Variants in DST observed in about 807,000 individuals in gnomAD.
The protein encoded by DST is bullous pemphigoid antigen.
Under a neutral mutation model 875.2 loss-of-function variants are expected in DST, and 253 were observed. The ratio of observed to expected loss-of-function variants is 0.29; its 90% CI spans 0.26 to 0.32. DST has a LOEUF of 0.32. Among genes scored for constraint, DST ranks in the 10% least tolerant of loss-of-function variants. The probability of loss-of-function intolerance (pLI) is 1.00; values close to 1 mark genes in which losing one functional copy is unlikely to be tolerated. For synonymous variants in DST, 3,124 were observed against 3,197.1 expected, an observed-to-expected ratio of 0.98 and a Z score of 0.77; for missense variants, 8,287 against 9,111.6, an observed-to-expected ratio of 0.91 and a Z score of 3.68.
At position 56,460,179 on chromosome 6, in the gene DST, T is replaced by A; in HGVS notation, c.23146A>T (p.Ser7716Cys). ...SGKGFHSGED[S>C]GLITTAAARV... ...GCAGCTGCAGTTGTTATCAAGCCAC[T>A]GTCCTCCCCAGAGTGGAAGCCTTTC... Residue 7716 changes from serine to cysteine, a missense_variant, in exon 103 of 104, where the codon AGT becomes TGT. Physicochemically the swap from Ser to Cys is moderately radical, Grantham distance 112 (BLOSUM62 -1). Coordinates refer to ENST00000680361, the MANE Select transcript of DST (RefSeq NM_001374736.1). 6.2e-7 allele frequency: 1 copy of A among 1,613,954 alleles called. No homozygotes were observed. Among genetic ancestry groups the A allele is most frequent in the Non-Finnish European group, 8.5e-7 (1 of 1,179,830 alleles).
Position 56,869,990 on chromosome 6 carries a change from A to AT in DST, c.418-18387dup, listed in dbSNP as rs796205326. 3.8e-4 allele frequency among the ~76,000 whole-genome samples: 56 copies of AT among 147,992 alleles called. 1 individual carries two copies. The highest frequency in any genetic ancestry group is 1.2e-3 in the East Asian group (6 of 5,092). ...CATGAGCCACCCGCACCCAGCTGAG[A>AT]TTTTTTTTTTTAGATTTCCCTGGCA... On this transcript the variant is annotated intron_variant, in intron 3 of 103. Transcript: ENST00000680361.
intron 61 of DST, among the ~76,000 whole-genome samples, chr6:56,546,377 T>TATATATAA (rs1182836643): frequency 7.4e-6 from 1 of 134,472 alleles, no homozygotes; most frequent in East Asian, 2.3e-4. Flanking sequence ...TATATATATA[T>TATATATAA]ATATATATAT....
chr6:56,775,783 TATA>T (rs1401368876), intron 4 of DST, among the ~76,000 whole-genome samples: 1 of 152,234 alleles, frequency 6.6e-6, no homozygotes, highest in Admixed American at 6.5e-5. Context: ...AACATTGGAT[TATA>T]ATCCAAAGTA....
At position 56,642,725 on chromosome 6, in the gene DST, G is replaced by A. The variant is rs779625484; in HGVS notation, c.1779-222C>T. On this transcript the variant is annotated intron_variant, in intron 15 of 103. Coordinates refer to ENST00000680361, the MANE Select transcript of DST (RefSeq NM_001374736.1). Reference sequence around the variant, plus strand: ...TTTTCATTTGAATCAAGACTGGTTCGAGTGCTGGTAGTGTTACTAAACACA... The same window carrying A: ...TTTTCATTTGAATCAAGACTGGTTCAAGTGCTGGTAGTGTTACTAAACACA... The A allele has an allele frequency of 8.1e-6, 13 of 1,614,070 alleles. No homozygotes were observed. The highest frequency in any genetic ancestry group is 6.7e-5 in the East Asian group (3 of 44,882).
chr6:56,774,887 G>A (rs1369940531), intron 4 of DST, among the ~76,000 whole-genome samples: 1 of 151,710 alleles, frequency 6.6e-6, no homozygotes, highest in Non-Finnish European at 1.5e-5. Flanking sequence ...AGCTACTTGG[G>A]AGGCTGAGGC....
At chr6:56,896,574 C>T (rs1449415653) in intron 3 of DST, among the ~76,000 whole-genome samples, 1 of 152,204 alleles carries the variant, frequency 6.6e-6, no homozygotes, top group African/African-American at 2.4e-5. Flanking sequence ...TACATTCCCA[C>T]CAGCAGTGTA....
chr6:56,708,335 T>G (rs780389797), intron 5 of DST, among the ~76,000 whole-genome samples: 1 of 151,964 alleles, frequency 6.6e-6, no homozygotes, highest in Non-Finnish European at 1.5e-5. Flanking sequence ...ACTTAGAAAA[T>G]GTATAAAATA....
chr6:56,539,375 A>AGCAT (rs2097079363), intron 61 of DST, among the ~76,000 whole-genome samples: 1 of 152,224 alleles, frequency 6.6e-6, no homozygotes, highest in Non-Finnish European at 1.5e-5. Context: ...CTTTTAAATT[A>AGCAT]GCATGCCATT....
At chr6:56,553,763 C>G in intron 60 of DST, 108 bp from the exon 61 acceptor site, 2 of 1,099,878 alleles carry the variant, frequency 1.8e-6, no homozygotes, top group Non-Finnish European at 2.5e-6. Flanking sequence ...TGTTGAAAAG[C>G]AAGGGCTTTT....
intron 36 of DST, chr6:56,615,340 T>A: frequency 6.9e-7 from 1 of 1,452,284 alleles, no homozygotes. Context: ...TTAAATCTTA[T>A]GTAATTTTCA....
At chr6:56,679,823 CTTTTATGT>C (rs1256026244) in intron 9 of DST, among the ~76,000 whole-genome samples, 1 of 152,106 alleles carries the variant, frequency 6.6e-6, no homozygotes, top group African/African-American at 2.4e-5. Context: ...ACCACATCTA[CTTTTATGT>C]TTTTATGTTT....
chr6:56,905,656 T>A (rs1796068069), intron 2 of DST, among the ~76,000 whole-genome samples: 1 of 151,180 alleles, frequency 6.6e-6, no homozygotes, highest in Non-Finnish European at 1.5e-5. Context: ...TTCTCTACTT[T>A]TTTTTTTTTT....
intron 2 of DST, among the ~76,000 whole-genome samples, chr6:56,916,873 G>A (rs1322296549): frequency 6.7e-6 from 1 of 149,198 alleles, no homozygotes; most frequent in Non-Finnish European, 1.5e-5. Context: ...TGGAGTTCCA[G>A]GCAGGATTTC....
chr6:56,816,272 G>A (rs1053354966), intron 4 of DST, among the ~76,000 whole-genome samples: 3 of 152,148 alleles, frequency 2.0e-5, no homozygotes, highest in African/African-American at 7.2e-5. Flanking sequence ...TTAATCAGCT[G>A]ATGAAAATTT....
At chr6:56,667,249 C>T (rs552069503) in intron 10 of DST, among the ~76,000 whole-genome samples, 1 of 152,228 alleles carries the variant, frequency 6.6e-6, no homozygotes, top group South Asian at 2.1e-4. Context: ...TTGTCCAATA[C>T]CAAAAAATTT....
chr6:56,631,244 T>A lies in DST; in HGVS notation c.4109A>T (p.Gln1370Leu). The change falls in exon 30 of 104, where the codon CAA becomes CTA. Residue 1370 changes from glutamine (Q) to leucine (L), a missense_variant. Physicochemically the swap from Gln to Leu is moderately radical, Grantham distance 113. This residue lies in a region of DST where 3,138 missense variants were observed against 3,116.6 expected (regional missense o/e 1.01). Transcript: ENST00000680361. ...ELNVVLQNMN[Q>L]VYSMSSTYID... is the part of the protein sequence containing the mutation. Reference sequence around the variant, plus strand: ...GTAAGTGGAAGACATAGAATAGACTTGGTTCATGTTCTGAAGGACCACATT... The same window carrying A: ...GTAAGTGGAAGACATAGAATAGACTAGGTTCATGTTCTGAAGGACCACATT... The A allele has an allele frequency of 6.2e-7, 1 of 1,613,776 alleles. No individual in the cohort carries two copies. Among genetic ancestry groups the A allele is most frequent in the Non-Finnish European group, 8.5e-7 (1 of 1,179,722 alleles).
At chr6:56,881,805 ATT>A (rs1232621142) in intron 3 of DST, among the ~76,000 whole-genome samples, 4 of 152,168 alleles carry the variant, frequency 2.6e-5, no homozygotes, top group African/African-American at 7.2e-5. Flanking sequence ...AATTTCTATA[ATT>A]TGCCATCAGT....
chr6:56,474,969 A>C (rs2095103016), intron 92 of DST, among the ~76,000 whole-genome samples: 1 of 147,710 alleles, frequency 6.8e-6, no homozygotes. Flanking sequence ...TCAAAAAAAA[A>C]AAAAAAAAAA....
At chr6:56,619,359 T>C in intron 36 of DST, 3 of 1,613,730 alleles carry the variant, frequency 1.9e-6, no homozygotes, top group Non-Finnish European at 2.5e-6. Flanking sequence ...AATTCTTCAT[T>C]GAGCCTTTGG....
Sources: allele counts gnomAD v4.1 joint callset (sites outside exome capture counted in the v4.1 genomes callset), GRCh38; gene constraint gnomAD v4.1.1; regional missense constraint gnomAD v4.1.1; transcripts MANE v1.5; gene names NCBI Gene and HGNC (gene_info 2026-07-23, HGNC 2026-07-21).